PRKCB: variants seen among roughly 807,000 people sequenced by gnomAD.
The protein encoded by PRKCB is protein kinase C beta, also known as protein kinase C beta type.
A neutral mutation model predicts 81.5 loss-of-function variants in PRKCB; 13 were observed. The observed-to-expected ratio is 0.16, with a 90% CI of 0.10 to 0.25. The LOEUF (loss-of-function observed/expected upper bound fraction) is 0.25. Ranked by LOEUF, PRKCB falls within the 10% of genes least tolerant of loss-of-function variation. The pLI is 1.00. For synonymous variants in PRKCB, 335 were observed against 321.4 expected (o/e 1.04, Z -0.45); for missense variants, 509 against 875.7 (o/e 0.58, Z 5.29).
intron 2 of PRKCB, among the ~76,000 whole-genome samples, chr16:23,979,974 A>C (rs1349872389): frequency 6.6e-6 from 1 of 152,148 alleles, no homozygotes; most frequent in African/African-American, 2.4e-5. Flanking sequence ...AGTCCCATCT[A>C]CTCAGGAGGC....
chr16:24,098,879 C>CA, intron 7 of PRKCB: 1 of 152,316 alleles, frequency 6.6e-6, no homozygotes, highest in Non-Finnish European at 1.5e-5. Flanking sequence ...TCTAGCATGA[C>CA]ATTAAAAGTT....
At chr16:23,884,916 A>G (rs548001731) in intron 2 of PRKCB, among the ~76,000 whole-genome samples, 2 of 16,106 alleles carry the variant, frequency 1.2e-4, no homozygotes, top group Non-Finnish European at 1.2e-4. Flanking sequence ...GCAAATATGG[A>G]TGATTGAATG....
At chr16:24,085,631 C>G (rs1206225888) in intron 5 of PRKCB, among the ~76,000 whole-genome samples, 1 of 152,024 alleles carries the variant, frequency 6.6e-6, no homozygotes, top group Non-Finnish European at 1.5e-5. Context: ...ATCCAAGAGC[C>G]CATTTGAGTT....
At chr16:24,019,339 GTC>G (rs1365157494) in intron 3 of PRKCB, among the ~76,000 whole-genome samples, 8 of 152,106 alleles carry the variant, frequency 5.3e-5, no homozygotes, top group Non-Finnish European at 1.2e-4. Context: ...GTGAGACCTT[GTC>G]TCTGAAAATA....
intron 3 of PRKCB, among the ~76,000 whole-genome samples, chr16:23,990,185 A>G (rs1326645083): frequency 2.0e-5 from 3 of 152,032 alleles, no homozygotes; most frequent in South Asian, 2.1e-4. Context: ...TTGGCCAGGC[A>G]CGGTGGCTCA....
At chr16:24,038,593 G>A (rs1351722705) in intron 5 of PRKCB, among the ~76,000 whole-genome samples, 3 of 152,262 alleles carry the variant, frequency 2.0e-5, no homozygotes, top group African/African-American at 7.2e-5. Context: ...GCTGGGCACA[G>A]CCTGTACTCA....
At chr16:24,196,508 T>C (rs1224808536) in intron 16 of PRKCB, among the ~76,000 whole-genome samples, 1 of 152,072 alleles carries the variant, frequency 6.6e-6, no homozygotes, top group African/African-American at 2.4e-5. Context: ...TCACAGGACT[T>C]TGGGTAGAGA....
chr16:23,843,414 A>C (rs1962300756), intron 2 of PRKCB, among the ~76,000 whole-genome samples: 1 of 152,010 alleles, frequency 6.6e-6, no homozygotes, highest in South Asian at 2.1e-4. Context: ...AGGCTTTTTG[A>C]CTTCGTGTTT....
At chr16:24,176,602 T>C (rs1175161044) in intron 12 of PRKCB, among the ~76,000 whole-genome samples, 1 of 152,220 alleles carries the variant, frequency 6.6e-6, no homozygotes, top group African/African-American at 2.4e-5. Context: ...TTTTGAAAGG[T>C]GCACATGAGG....
chr16:23,884,466 T>C (rs1963168341), intron 2 of PRKCB, among the ~76,000 whole-genome samples: 1 of 152,236 alleles, frequency 6.6e-6, no homozygotes, highest in Non-Finnish European at 1.5e-5. Context: ...GTGAACATTC[T>C]CTTTGCCTTC....
chr16:24,082,493 A>G (rs1966262376), intron 5 of PRKCB, among the ~76,000 whole-genome samples: 3 of 152,244 alleles, frequency 2.0e-5, no homozygotes, highest in African/African-American at 7.2e-5. Context: ...CAAATGTGAT[A>G]TTGGTGACAG....
At chr16:24,130,035 T>C (rs1162498815) in intron 9 of PRKCB, among the ~76,000 whole-genome samples, 1 of 152,252 alleles carries the variant, frequency 6.6e-6, no homozygotes, top group Admixed American at 6.5e-5. Flanking sequence ...GCTTTTTTAA[T>C]GCATTTCAAA....
At chr16:24,120,472 G>A (rs1475074510) in intron 8 of PRKCB, among the ~76,000 whole-genome samples, 5 of 152,196 alleles carry the variant, frequency 3.3e-5, no homozygotes, top group African/African-American at 1.2e-4. Flanking sequence ...CTGTGGGGAA[G>A]AGGGGATCTC....
At chr16:23,868,892 T>C (rs1168169958) in intron 2 of PRKCB, among the ~76,000 whole-genome samples, 2 of 152,208 alleles carry the variant, frequency 1.3e-5, no homozygotes, top group African/African-American at 4.8e-5. Context: ...AACTTTCTAA[T>C]GTTGATTTGA....
intron 7 of PRKCB, among the ~76,000 whole-genome samples, chr16:24,094,698 C>A (rs571234812): frequency 6.6e-6 from 1 of 151,782 alleles, no homozygotes; most frequent in East Asian, 1.9e-4. Flanking sequence ...ACCCTGGAGG[C>A]AGAGGTTGCA....
At chr16:23,894,173 C>T (rs987278548) in intron 2 of PRKCB, among the ~76,000 whole-genome samples, 1 of 152,192 alleles carries the variant, frequency 6.6e-6, no homozygotes, top group Admixed American at 6.5e-5. Context: ...AGCAAGGAGG[C>T]AAACCCTGAT....
chr16:24,215,231 A>T lies in PRKCB; in HGVS notation c.*415A>T. On this transcript the variant is annotated 3_prime_UTR_variant, in exon 17 of 17. Coordinates refer to ENST00000643927, the MANE Select transcript of PRKCB (RefSeq NM_002738.7). ...CGGGCCTGGAGCTTGGCTTGTATCCAAGTGTATGGTTGCTTTGCCTAAGAG... is the reference window on the plus strand; with the variant it reads ...CGGGCCTGGAGCTTGGCTTGTATCCTAGTGTATGGTTGCTTTGCCTAAGAG... 1.0e-6 allele frequency: 1 copy of T among 1,001,352 alleles called. No individual in the cohort carries two copies. The highest frequency in any genetic ancestry group is 1.2e-6 in the Non-Finnish European group (1 of 839,006). 62.0% of individuals were successfully genotyped at this position (1,001,352 alleles called of 1,614,324 possible). A position where few individuals can be genotyped will look rare whatever the true frequency, so the allele number is the denominator to read the frequency against.
Position 23,919,539 on chromosome 16 carries a change from A to G in PRKCB, c.206-68969A>G, listed in dbSNP as rs995150507. 5.3e-5 allele frequency among the ~76,000 whole-genome samples: 8 copies of G among 152,218 alleles called. No individual in the cohort carries two copies. In the East Asian group the frequency reaches 1.5e-3, roughly 29 times the overall value. On this transcript the variant is annotated intron_variant, in intron 2 of 16. Coordinates refer to ENST00000643927, the MANE Select transcript of PRKCB (RefSeq NM_002738.7). ...ATTAGTTTTTCTTAGTACACAAGCA[A>G]CATGCTATCATTGCAGATGCCAGAA...
At chr16:23,869,158 G>GCAAT in intron 2 of PRKCB, 1 of 453,390 alleles carries the variant, frequency 2.2e-6, no homozygotes, top group Non-Finnish European at 4.4e-6. Context: ...ATTGGCCAAT[G>GCAAT]GAACGTGAGC....
Sources: gnomAD v4.1 joint callset for allele counts (sites outside exome capture counted in the v4.1 genomes callset) on GRCh38, gnomAD v4.1.1 for gene constraint, MANE v1.5 for transcripts, NCBI Gene and HGNC (gene_info 2026-07-23, HGNC 2026-07-21) for gene names.